SMIM21: variants seen among roughly 807,000 people sequenced by gnomAD.
SMIM21 encodes the protein small integral membrane protein 21, also known as chromosome 18 open reading frame 62.
A neutral mutation model predicts 8.6 loss-of-function variants in SMIM21; 8 were observed. That is an observed-to-expected ratio of 0.93 (90% CI 0.55 to 1.68). The LOEUF (loss-of-function observed/expected upper bound fraction) is 1.68. SMIM21 is among the 40% of genes most tolerant of loss of function. SMIM21 has a pLI of 0.00. For synonymous variants in SMIM21, 43 were observed against 41.7 expected, an observed-to-expected ratio of 1.03 and a Z score of -0.12; for missense variants, 132 against 123.0, an observed-to-expected ratio of 1.07 and a Z score of -0.35.
At chr18:75,416,959 G>C (rs2024652981) in intron 2 of SMIM21, 1 of 152,214 alleles carries the variant, frequency 6.6e-6, no homozygotes, top group Admixed American at 6.5e-5. Context: ...ACAGAGGACA[G>C]AGCACACTGC....
rs1228110555 is a variant in SMIM21, at chr18:75,409,738, C to T, written c.*1126G>A. ...TTTCTCTGCGACACACAGATGGAGGCTGTGGTGTAAGAGTTACACCTCTGT... is the reference window on the plus strand; with the variant it reads ...TTTCTCTGCGACACACAGATGGAGGTTGTGGTGTAAGAGTTACACCTCTGT... On this transcript the variant is annotated 3_prime_UTR_variant, in exon 3 of 3. Coordinates refer to ENST00000579022, the MANE Select transcript of SMIM21 (RefSeq NM_001037331.3). The T allele has an allele frequency of 6.6e-6, 1 of 152,232 alleles. No homozygotes were observed. Among genetic ancestry groups the T allele is most frequent in the African/African-American group, 2.4e-5 (1 of 41,452 alleles). 9.4% of individuals were successfully genotyped at this position (152,232 alleles called of 1,614,324 possible).
At position 75,410,709 on chromosome 18, in the gene SMIM21, A is replaced by C; in HGVS notation, c.*155T>G. 1 of 1,442,486 alleles carries C rather than the reference A, an allele frequency of 6.9e-7. No individual in the cohort carries two copies. Among genetic ancestry groups the C allele is most frequent in the Non-Finnish European group, 9.1e-7 (1 of 1,102,738 alleles). 89.4% of individuals were successfully genotyped at this position (1,442,486 alleles called of 1,614,324 possible). On this transcript the variant is annotated 3_prime_UTR_variant, in exon 3 of 3. Transcript: ENST00000579022. ...ACAAAGCAGACATTATCATTGCAAA[A>C]AGTTACACGTTCTTCATTCTCTCTG...
Position 75,410,620 on chromosome 18 carries a change from G to T in SMIM21, c.*244C>A. On this transcript the variant is annotated 3_prime_UTR_variant, in exon 3 of 3. Coordinates refer to ENST00000579022, the MANE Select transcript of SMIM21 (RefSeq NM_001037331.3). ...ACGCAGGGCAGATTTCGCAGGGTTG[G>T]GTGGCATCTGCAGCTCTCCTCCGGA... 1 of 1,028,400 alleles carries T rather than the reference G, an allele frequency of 9.7e-7. No homozygotes were observed. The highest frequency in any genetic ancestry group is 1.3e-6 in the Non-Finnish European group (1 of 770,222). 63.7% of individuals were successfully genotyped at this position (1,028,400 alleles called of 1,614,324 possible).
chr18:75,415,243 C>T (rs2024631148), intron 2 of SMIM21, among the ~76,000 whole-genome samples: 1 of 152,184 alleles, frequency 6.6e-6, no homozygotes, highest in Non-Finnish European at 1.5e-5. Flanking sequence ...ATATAGGGAT[C>T]TCAAGGCAGA....
chr18:75,412,258 T>A (rs1201562903), intron 2 of SMIM21, among the ~76,000 whole-genome samples: 1 of 152,210 alleles, frequency 6.6e-6, no homozygotes, highest in Non-Finnish European at 1.5e-5. Flanking sequence ...TTCACAATAG[T>A]TGAGTGTGGG....
chr18:75,426,454 T>C (rs72483086), intron 1 of SMIM21, among the ~76,000 whole-genome samples: 1 of 151,264 alleles, frequency 6.6e-6, no homozygotes, highest in Non-Finnish European at 1.5e-5. Flanking sequence ...GGACTACAAG[T>C]GCCCGCCACC....
chr18:75,414,075 T>TCACACA (rs74180809), intron 2 of SMIM21, among the ~76,000 whole-genome samples: 3 of 126,036 alleles, frequency 2.4e-5, no homozygotes, highest in African/African-American at 5.5e-5. Context: ...TCTCTCTGTC[T>TCACACA]CACACACACA....
At chr18:75,418,331 C>CTTTT (rs2024670397) in intron 2 of SMIM21, 2 of 394,076 alleles carry the variant, frequency 5.1e-6, no homozygotes, top group Non-Finnish European at 8.9e-6. Flanking sequence ...TAGAAATAAA[C>CTTTT]TCAAAGAAGG....
At chr18:75,418,562 A>G (rs1291564760) in intron 2 of SMIM21, among the ~76,000 whole-genome samples, 3 of 152,128 alleles carry the variant, frequency 2.0e-5, no homozygotes, top group African/African-American at 7.2e-5. Flanking sequence ...CTGTCTATCT[A>G]TGTGGCCCCG....
chr18:75,413,557 A>C (rs2024605155), intron 2 of SMIM21, among the ~76,000 whole-genome samples: 1 of 152,200 alleles, frequency 6.6e-6, no homozygotes, highest in Non-Finnish European at 1.5e-5. Flanking sequence ...CTCTTAGGAT[A>C]TTAGTATAAA....
chr18:75,413,612 C>T (rs2024606054), intron 2 of SMIM21, among the ~76,000 whole-genome samples: 1 of 152,190 alleles, frequency 6.6e-6, no homozygotes, highest in Non-Finnish European at 1.5e-5. Flanking sequence ...ATCTGCTTCC[C>T]TCCAAATCAA....
chr18:75,410,835 A>T lies in SMIM21; in HGVS notation c.*29T>A. The stretch of plus-strand genomic sequence containing the variant: ...TTGAGCAGGGGAAATCCATGGTATG[A>T]AGGCCATGAGAGAGAAACGTAGTGT... On this transcript the variant is annotated 3_prime_UTR_variant, in exon 3 of 3. Transcript: ENST00000579022. The T allele has an allele frequency of 6.2e-7, 1 of 1,613,628 alleles. No homozygotes were observed. The highest frequency in any genetic ancestry group is 8.5e-7 in the Non-Finnish European group (1 of 1,179,842).
At chr18:75,414,344 G>T (rs1245379261) in intron 2 of SMIM21, among the ~76,000 whole-genome samples, 10 of 152,106 alleles carry the variant, frequency 6.6e-5, no homozygotes, top group Admixed American at 6.6e-4. Flanking sequence ...CTTACTACAT[G>T]CCAAGTACTG....
chr18:75,418,585 G>A (rs1004213221), intron 2 of SMIM21, among the ~76,000 whole-genome samples: 7 of 152,168 alleles, frequency 4.6e-5, no homozygotes, highest in Non-Finnish European at 1.0e-4. Flanking sequence ...CTCTATCACG[G>A]ATGGATATTA....
At chr18:75,414,098 TACACAC>T (rs797004830) in intron 2 of SMIM21, among the ~76,000 whole-genome samples, 2 of 51,274 alleles carry the variant, frequency 3.9e-5, no homozygotes, top group Non-Finnish European at 6.7e-5. Context: ...CACACACACA[TACACAC>T]ACACACACAC....
intron 1 of SMIM21, among the ~76,000 whole-genome samples, chr18:75,421,560 T>C (rs1464358483): frequency 6.6e-6 from 1 of 151,868 alleles, no homozygotes; most frequent in Non-Finnish European, 1.5e-5. Context: ...GAAGATCTCA[T>C]CCTAGTGTTT....
chr18:75,422,121 C>T (rs2024715418), intron 1 of SMIM21, among the ~76,000 whole-genome samples: 2 of 152,144 alleles, frequency 1.3e-5, no homozygotes, highest in South Asian at 2.1e-4. Flanking sequence ...CCAGCAGGGC[C>T]ACTGGCCCAG....
intron 2 of SMIM21, among the ~76,000 whole-genome samples, chr18:75,415,292 C>T (rs565168210): frequency 2.0e-5 from 3 of 152,224 alleles, no homozygotes; most frequent in African/African-American, 7.2e-5. Context: ...CATAGCCAAG[C>T]GGTGATCAGC....
chr18:75,425,616 C>A (rs1411920498), intron 1 of SMIM21, among the ~76,000 whole-genome samples: 1 of 152,134 alleles, frequency 6.6e-6, no homozygotes, highest in Middle Eastern at 3.2e-3. Context: ...TTTAACAGCC[C>A]ACCTAAGTGT....
Sources: allele counts gnomAD v4.1 joint callset (sites outside exome capture counted in the v4.1 genomes callset), GRCh38; gene constraint gnomAD v4.1.1; transcripts MANE v1.5; gene names NCBI Gene and HGNC (gene_info 2026-07-23, HGNC 2026-07-21).